Variants in DNMBP observed in about 807,000 individuals in gnomAD.
DNMBP encodes dynamin binding protein.
DNMBP carries 87 observed loss-of-function variants against 150.0 expected under a neutral mutation model. That is an observed-to-expected ratio of 0.58 (90% CI 0.49 to 0.69). The LOEUF is 0.69. Among genes scored for constraint, DNMBP ranks in the 30% least tolerant of loss-of-function variants. The pLI, the probability that DNMBP is intolerant of heterozygous loss-of-function variation, is 0.00. For synonymous variants in DNMBP, 711 were observed against 750.4 expected (o/e 0.95, Z 0.86); for missense variants, 1,774 against 1,949.0 (o/e 0.91, Z 1.69).
chr10:99,904,103 A>G (rs1452437410), intron 6 of DNMBP, among the ~76,000 whole-genome samples: 1 of 152,060 alleles, frequency 6.6e-6, no homozygotes, highest in Non-Finnish European at 1.5e-5. Context: ...TCGGACATAA[A>G]AATTAGCTGG....
Position 99,939,997 on chromosome 10 carries a change from A to G in DNMBP, c.2260+15217T>C, listed in dbSNP as rs756801428. ...CTGGCCACTAAACTGCCCTGGAAAAACCTCTGCATTTTTTAGACTGATTTG... is the reference window on the plus strand; with the variant it reads ...CTGGCCACTAAACTGCCCTGGAAAAGCCTCTGCATTTTTTAGACTGATTTG... On this transcript the variant is annotated intron_variant, in intron 4 of 16. Coordinates refer to ENST00000324109, the MANE Select transcript of DNMBP (RefSeq NM_015221.4). Among the ~76,000 whole-genome samples, 55 of 151,320 alleles carry G rather than the reference A, an allele frequency of 3.6e-4. 1 individual carries two copies. Among genetic ancestry groups the G allele is most frequent in the Non-Finnish European group, 6.9e-4 (47 of 67,800 alleles).
At chr10:99,889,064 A>G (rs2039517849) in intron 11 of DNMBP, 111 bp from the exon 12 acceptor site, 8 of 1,258,492 alleles carry the variant, frequency 6.4e-6, no homozygotes, top group Non-Finnish European at 7.7e-6. Context: ...ATAATTTGAA[A>G]TTTTCTAACT....
chr10:99,889,048 A>G, intron 11 of DNMBP, 95 bp from the exon 12 acceptor site: 1 of 1,435,476 alleles, frequency 7.0e-7, no homozygotes. Flanking sequence ...TGGAAAAATG[A>G]GTTCCATAAT....
At chr10:99,878,993 G>C (rs1019813625) in intron 16 of DNMBP, among the ~76,000 whole-genome samples, 1 of 149,844 alleles carries the variant, frequency 6.7e-6, no homozygotes, top group Non-Finnish European at 1.5e-5. Context: ...GCTGAGGCAG[G>C]AGAATCGCTT....
At chr10:99,971,856 CTTTCT>C (rs1423766254) in intron 2 of DNMBP, 119 bp downstream of exon 2, 94 of 941,756 alleles carry the variant, frequency 1.0e-4, no homozygotes, top group African/African-American at 6.6e-4. Context: ...TTCTTTCTTT[CTTTCT>C]TTTTTTTTTT....
chr10:99,888,712 T>C (rs1202549859), intron 12 of DNMBP, 113 bp downstream of exon 12: 5 of 1,257,864 alleles, frequency 4.0e-6, no homozygotes, highest in Non-Finnish European at 5.6e-6. Context: ...AGCTAAAGGA[T>C]GACTAATATG....
At chr10:99,988,710 G>A (rs2040853950) in intron 1 of DNMBP, among the ~76,000 whole-genome samples, 1 of 152,016 alleles carries the variant, frequency 6.6e-6, no homozygotes, top group Non-Finnish European at 1.5e-5. Flanking sequence ...CACCCAGGCT[G>A]GAGTGCAGTG....
At chr10:100,000,970 C>A (rs953597954) in intron 1 of DNMBP, among the ~76,000 whole-genome samples, 5 of 150,566 alleles carry the variant, frequency 3.3e-5, no homozygotes, top group African/African-American at 1.2e-4. Context: ...CGGTGGCTCA[C>A]GCCTGTAATC....
At chr10:99,899,184 GTC>G (rs1392436551) in intron 7 of DNMBP, among the ~76,000 whole-genome samples, 2 of 151,430 alleles carry the variant, frequency 1.3e-5, no homozygotes, top group African/African-American at 2.4e-5. Context: ...GTGAGACTCT[GTC>G]TCTCCAAAAA....
At chr10:100,009,169 T>TTGCACAAAACTTA in intron 1 of DNMBP, among the ~76,000 whole-genome samples, 1 of 152,242 alleles carries the variant, frequency 6.6e-6, no homozygotes, top group South Asian at 2.1e-4. Context: ...ACTTAAAATT[T>TTGCACAAAACTTA]AAGTCTATAC....
intron 6 of DNMBP, among the ~76,000 whole-genome samples, chr10:99,905,150 C>T (rs2039806814): frequency 6.6e-6 from 1 of 152,170 alleles, no homozygotes; most frequent in Non-Finnish European, 1.5e-5. Context: ...TATGCTTCAC[C>T]ATCACACTAA....
chr10:99,879,813 G>A lies in DNMBP; in HGVS notation c.4546C>T (p.Gln1516Ter). 6.2e-7 allele frequency: 1 copy of A among 1,613,880 alleles called. No individual in the cohort carries two copies. The highest frequency in any genetic ancestry group is 8.5e-7 in the Non-Finnish European group (1 of 1,179,766). ...TGGCAGGCCTCTTACGCACTCACCT[G>A]GTTGCCTTCTGCCTCACTGCCATCT... ...EPDGSEAEGN[Q>*]VYFAVYTFKA... The change falls in exon 16 of 17, where the codon CAG becomes TAG. Residue 1516 changes from glutamine to a stop codon, truncating the protein, a stop_gained and splice_region_variant. Coordinates refer to ENST00000324109, the MANE Select transcript of DNMBP (RefSeq NM_015221.4). LOFTEE classifies it high-confidence loss of function.
chr10:99,877,360 T>A, intron 16 of DNMBP, 24 bp from the exon 17 acceptor site: 1 of 1,579,076 alleles, frequency 6.3e-7, no homozygotes. Flanking sequence ...AGAGAGAAAA[T>A]GGGAAATTGC....
chr10:99,910,861 A>G (rs1237499653), intron 4 of DNMBP, among the ~76,000 whole-genome samples: 1 of 152,238 alleles, frequency 6.6e-6, no homozygotes, highest in Non-Finnish European at 1.5e-5. Context: ...ATGTAAGTAC[A>G]TAAATAAATG....
chr10:99,960,105 A>G lies in DNMBP; in HGVS notation c.269-2900T>C, dbSNP rs376217661. Among the ~76,000 whole-genome samples the G allele has an allele frequency of 4.1e-4, 62 of 152,340 alleles. 1 individual carries two copies. Among genetic ancestry groups the G allele is most frequent in the Middle Eastern group, 6.8e-3 (2 of 294 alleles). ...CAGTTAGCATCTGTCTTATTGTAGA[A>G]GAAGTTGAGGTAAAGAAAGGATAAG... On this transcript the variant is annotated intron_variant, in intron 3 of 16. Coordinates refer to ENST00000324109, the MANE Select transcript of DNMBP (RefSeq NM_015221.4).
In DNMBP at chr10:99,879,875, C is replaced by G; in HGVS notation, c.4484G>C (p.Arg1495Thr). 1 of 1,614,262 alleles carries G rather than the reference C, an allele frequency of 6.2e-7. No individual in the cohort carries two copies. Among genetic ancestry groups the G allele is most frequent in the Non-Finnish European group, 8.5e-7 (1 of 1,180,052 alleles). ...TCTGTCTTCCGGAGCCTGGGCTGTT[C>G]TTGCACATCCTTTGACGAGGTCTTG... ...QSQDLVKGCARTAQAPEDRST... is the reference protein window; with the variant it reads ...QSQDLVKGCATTAQAPEDRST... The change falls in exon 16 of 17, where the codon AGA becomes ACA. Residue 1495 changes from arginine (R) to threonine (T), a missense_variant. Physicochemically the swap from Arg to Thr is moderately conservative, Grantham distance 71. Around this residue, in one of 2 missense-constraint regions of DNMBP, gnomAD observed 1,430 missense variants for 1,492.5 expected, o/e 0.96. Transcript: ENST00000324109.
At chr10:99,877,482 G>A (rs1041391673) in intron 16 of DNMBP, 146 bp from the exon 17 acceptor site, 6 of 547,462 alleles carry the variant, frequency 1.1e-5, no homozygotes, top group Non-Finnish European at 1.6e-5. Context: ...CAGAGGAACT[G>A]AATTTTTAAT....
In DNMBP at chr10:99,924,994, C is replaced by G. The variant is rs370552835; in HGVS notation, c.2261-15848G>C. 5.3e-4 allele frequency among the ~76,000 whole-genome samples: 80 copies of G among 152,314 alleles called. 1 individual carries two copies. The highest frequency in any genetic ancestry group is 1.9e-3 in the African/African-American group (78 of 41,570). On this transcript the variant is annotated intron_variant, in intron 4 of 16. Transcript: ENST00000324109. ...ACTCCCTGTCATATGCTCTGTGCCCCTGCTCCTACCCTCCACCAACCTACC... is the reference window on the plus strand; with the variant it reads ...ACTCCCTGTCATATGCTCTGTGCCCGTGCTCCTACCCTCCACCAACCTACC...
chr10:99,965,388 AT>A (rs1001733544), intron 3 of DNMBP, among the ~76,000 whole-genome samples: 1 of 151,716 alleles, frequency 6.6e-6, no homozygotes, highest in African/African-American at 2.4e-5. Context: ...TTACACATAT[AT>A]TTTTTCTCTT....
Sources: gnomAD v4.1 joint callset for allele counts (sites outside exome capture counted in the v4.1 genomes callset) on GRCh38, gnomAD v4.1.1 for gene constraint, gnomAD v4.1.1 regional missense constraint, MANE v1.5 for transcripts, NCBI Gene and HGNC (gene_info 2026-07-23, HGNC 2026-07-21) for gene names.